Variants in DCX observed in about 807,000 individuals in gnomAD.
DCX encodes neuronal migration protein doublecortin.
DCX carries 4 observed loss-of-function variants against 20.9 expected under a neutral mutation model. The ratio of observed to expected loss-of-function variants is 0.19; its 90% CI spans 0.09 to 0.44. The LOEUF is 0.44. DCX is among the 20% of genes least tolerant of loss of function. The pLI is 0.99. For synonymous variants in DCX, 103 were observed against 111.4 expected, an observed-to-expected ratio of 0.92 and a Z score of 0.47; for missense variants, 133 against 296.9, an observed-to-expected ratio of 0.45 and a Z score of 4.06.
chrX:111,369,786 A>C (rs1019926248), intron 3 of DCX, among the ~76,000 whole-genome samples: 1 of 111,716 alleles, frequency 9.0e-6, no homozygotes, highest in African/African-American at 3.3e-5. Flanking sequence ...TGCATTCCCA[A>C]AGGATGCATC....
intron 3 of DCX, among the ~76,000 whole-genome samples, chrX:111,342,189 G>A (rs111982942): frequency 2.2e-3 from 137 of 61,417 alleles, no homozygotes; most frequent in African/African-American, 8.4e-3. Context: ...AATTTACCAA[G>A]CAAAAGGAAA....
intron 5 of DCX, among the ~76,000 whole-genome samples, chrX:111,324,134 G>A (rs1346005112): frequency 8.9e-6 from 1 of 111,750 alleles, no homozygotes; most frequent in African/African-American, 3.3e-5. Flanking sequence ...ACACAGGATT[G>A]TTTAGTAGGC....
intron 3 of DCX, among the ~76,000 whole-genome samples, chrX:111,353,752 G>T (rs754375566): frequency 1.8e-5 from 2 of 111,388 alleles, no homozygotes; most frequent in East Asian, 5.6e-4. Context: ...CAGCCACCAC[G>T]GTAACTGTTA....
chrX:111,309,702 CT>C (rs2095053190), intron 6 of DCX, among the ~76,000 whole-genome samples: 1 of 111,476 alleles, frequency 9.0e-6, no homozygotes, highest in Non-Finnish European at 1.9e-5. Context: ...TACCAAATAA[CT>C]GGCCTGGACC....
chrX:111,328,347 T>C (rs759189095), intron 5 of DCX, among the ~76,000 whole-genome samples: 1 of 111,969 alleles, frequency 8.9e-6, no homozygotes, highest in South Asian at 3.7e-4. Context: ...GTTATATCTC[T>C]GATATTTTAG....
chrX:111,395,795 C>A (rs1431433551), intron 3 of DCX, among the ~76,000 whole-genome samples: 1 of 112,257 alleles, frequency 8.9e-6, no homozygotes, highest in Non-Finnish European at 1.9e-5. Flanking sequence ...ATAATTTATG[C>A]CCATGTGGCC....
At position 111,300,612 on chromosome X, in the gene DCX, T is replaced by G. The variant is rs1024285216; in HGVS notation, c.*1075A>C. The G allele has an allele frequency of 1.9e-5, 2 of 106,646 alleles. No individual in the cohort carries two copies. Among genetic ancestry groups the G allele is most frequent in the African/African-American group, 7.1e-5 (2 of 28,246 alleles). The allele number at this position is 106,646 out of a possible 1,213,427, so 8.8% of individuals were successfully genotyped here. A position where few individuals can be genotyped will look rare whatever the true frequency, so the allele number is the denominator to read the frequency against. On this transcript the variant is annotated 3_prime_UTR_variant, in exon 7 of 7. Coordinates refer to ENST00000636035, the MANE Select transcript of DCX (RefSeq NM_001195553.2). ...CATAATTTCTAAACTACATTATTCT[T>G]CTGCTTTTTTTTTTTTTTTTGGTAA...
chrX:111,374,897 C>T (rs777069494), intron 3 of DCX, among the ~76,000 whole-genome samples: 8 of 106,793 alleles, frequency 7.5e-5, no homozygotes, highest in Admixed American at 1.0e-4. Context: ...TGCTGTTAGG[C>T]TTCTCAGCTA....
In DCX at chrX:111,401,324, C is replaced by T; in HGVS notation, c.371G>A (p.Ser124Asn). The T allele has an allele frequency of 8.3e-7, 1 of 1,208,002 alleles. No individual in the cohort carries two copies. Among genetic ancestry groups the T allele is most frequent in the Non-Finnish European group, 1.1e-6 (1 of 892,061 alleles). ...GSMDELEEGE[S>N]YVCSSDNFFK... ...GAAGTTGTCTGAGGAACAGACATAGCTTTCCCCTAAGGCAAGAAATAAGTG... is the reference window on the plus strand; with the variant it reads ...GAAGTTGTCTGAGGAACAGACATAGTTTTCCCCTAAGGCAAGAAATAAGTG... Residue 124 changes from serine (S) to asparagine (N), a missense_variant, in exon 3 of 7, where the codon AGC becomes AAC. Around this residue, in one of 2 missense-constraint regions of DCX, gnomAD observed 65 missense variants for 212.6 expected, o/e 0.31. Transcript: ENST00000636035.
rs748996469 is a variant in DCX, at chrX:111,347,458, C to T, written c.706-14305G>A. ...ATCCATTTCTTGAAGACACCGATTT[C>T]CTTTGGCTTGCCTTGTGGGGCTTAG... is the stretch of plus-strand genomic sequence containing the variant. On this transcript the variant is annotated intron_variant, in intron 3 of 6. Transcript: ENST00000636035. Among the ~76,000 whole-genome samples the T allele has an allele frequency of 1.3e-4, 15 of 111,833 alleles. No individual in the cohort carries two copies. In the South Asian group the frequency reaches 5.8e-3, roughly 43 times the overall value.
chrX:111,397,440 G>A lies in DCX; in HGVS notation c.705+3550C>T, dbSNP rs189322524. ...AGCCTCCACAAAAAAGATTATATTC[G>A]CAAGCAGTACGAATACCCACTAATA... On this transcript the variant is annotated intron_variant, in intron 3 of 6. Coordinates refer to ENST00000636035, the MANE Select transcript of DCX (RefSeq NM_001195553.2). Among the ~76,000 whole-genome samples, 381 of 111,535 alleles carry A rather than the reference G, an allele frequency of 3.4e-3. 4 individuals carry two copies. The highest frequency in any genetic ancestry group is 0.012 in the African/African-American group (357 of 30,724).
At chrX:111,342,077 G>A (rs192809868) in intron 3 of DCX, among the ~76,000 whole-genome samples, 5 of 106,188 alleles carry the variant, frequency 4.7e-5, no homozygotes, top group Non-Finnish European at 9.7e-5. Context: ...ACAACAGACT[G>A]GAAAATTGGA....
intron 5 of DCX, among the ~76,000 whole-genome samples, chrX:111,322,929 G>T (rs1282403196): frequency 1.8e-5 from 2 of 111,985 alleles, no homozygotes; most frequent in Non-Finnish European, 3.8e-5. Flanking sequence ...AGAAGTAAGA[G>T]TCTTCCTTGT....
chrX:111,390,385 G>A lies in DCX; in HGVS notation c.705+10605C>T, dbSNP rs184401633. 1.4e-4 allele frequency among the ~76,000 whole-genome samples: 16 copies of A among 111,716 alleles called. No individual in the cohort carries two copies. In the East Asian group the frequency reaches 2.3e-3, roughly 16 times the overall value. The stretch of plus-strand genomic sequence containing the variant: ...CAAGCCTTCTTTAACTCTGACCTAC[G>A]GAACTGTGACATAATAAATGAGTGT... On this transcript the variant is annotated intron_variant, in intron 3 of 6. Transcript: ENST00000636035.
At chrX:111,332,422 G>A (rs971196926) in intron 4 of DCX, among the ~76,000 whole-genome samples, 1 of 111,830 alleles carries the variant, frequency 8.9e-6, no homozygotes, top group African/African-American at 3.3e-5. Context: ...TGCTCTGAAT[G>A]TATCTTTCTA....
At chrX:111,404,261 GAA>G (rs993887788) in intron 2 of DCX, among the ~76,000 whole-genome samples, 1 of 109,121 alleles carries the variant, frequency 9.2e-6, no homozygotes, top group Non-Finnish European at 1.9e-5. Context: ...AGCTGAAGAG[GAA>G]AAAAAAGAGA....
chrX:111,318,136 G>A (rs1243591551), intron 5 of DCX, among the ~76,000 whole-genome samples: 7 of 94,862 alleles, frequency 7.4e-5, no homozygotes, highest in African/African-American at 2.8e-4. Flanking sequence ...AGTGAGCTGA[G>A]ATCATGCCAC....
At chrX:111,373,300 C>T (rs779250888) in intron 3 of DCX, among the ~76,000 whole-genome samples, 1 of 111,564 alleles carries the variant, frequency 9.0e-6, no homozygotes, top group Non-Finnish European at 1.9e-5. Context: ...AAGAGAGAGA[C>T]CAAGTTCAAG....
intron 3 of DCX, among the ~76,000 whole-genome samples, chrX:111,345,079 A>T (rs1370909618): frequency 2.7e-5 from 3 of 111,768 alleles, no homozygotes; most frequent in African/African-American, 9.8e-5. Context: ...AACCTCAGAC[A>T]TAATACCACA....
Sources: gnomAD v4.1 joint callset for allele counts (sites outside exome capture counted in the v4.1 genomes callset) on GRCh38, gnomAD v4.1.1 for gene constraint, gnomAD v4.1.1 regional missense constraint, MANE v1.5 for transcripts, NCBI Gene and HGNC (gene_info 2026-07-23, HGNC 2026-07-21) for gene names.